NSD1: variants seen among roughly 807,000 people sequenced by gnomAD.
The protein encoded by NSD1 is nuclear receptor binding SET domain protein 1, also known as histone-lysine N-methyltransferase, H3 lysine-36 specific.
A neutral mutation model predicts 242.7 loss-of-function variants in NSD1; 26 were observed. The ratio of observed to expected loss-of-function variants is 0.11; its 90% CI spans 0.08 to 0.15. NSD1 has a LOEUF of 0.15. Among genes scored for constraint, NSD1 ranks in the 10% least tolerant of loss-of-function variants. The probability of loss-of-function intolerance (pLI) is 1.00; values close to 1 mark genes in which losing one functional copy is unlikely to be tolerated. For synonymous variants in NSD1, 1,106 were observed against 1,178.1 expected, an observed-to-expected ratio of 0.94 and a Z score of 1.25; for missense variants, 2,495 against 3,272.8, an observed-to-expected ratio of 0.76 and a Z score of 5.80.
chr5:177,300,066 C>T lies in NSD1; in HGVS notation c.*4607C>T, dbSNP rs979145617. The T allele has an allele frequency of 2.5e-5, 5 of 196,532 alleles. No individual in the cohort carries two copies. The highest frequency in any genetic ancestry group is 2.3e-4 in the South Asian group (1 of 4,290). 12.2% of individuals were successfully genotyped at this position (196,532 alleles called of 1,614,324 possible). On this transcript the variant is annotated 3_prime_UTR_variant, in exon 23 of 23. Coordinates refer to ENST00000439151, the MANE Select transcript of NSD1 (RefSeq NM_022455.5). Reference sequence around the variant, plus strand: ...ATTGCTTTTTTGCCGCGCCCCCCCCCCCCCGCCCCCATAGATTGTCAGCTG... The same window carrying T: ...ATTGCTTTTTTGCCGCGCCCCCCCCTCCCCGCCCCCATAGATTGTCAGCTG...
Position 177,139,613 on chromosome 5 carries a change from G to C in NSD1, c.927+3583G>C, listed in dbSNP as rs893438117. Among the ~76,000 whole-genome samples, 25 of 152,302 alleles carry C rather than the reference G, an allele frequency of 1.6e-4. 1 individual carries two copies. Among genetic ancestry groups the C allele is most frequent in the African/African-American group, 5.8e-4 (24 of 41,562 alleles). ...TTGATATAGTAGGTATTGTTACTAT[G>C]CTGGGAATTTTAGAAAATCCTTAGC... On this transcript the variant is annotated intron_variant, in intron 2 of 22. Coordinates refer to ENST00000439151, the MANE Select transcript of NSD1 (RefSeq NM_022455.5).
At chr5:177,182,839 C>G (rs529536536) in intron 2 of NSD1, among the ~76,000 whole-genome samples, 2 of 152,156 alleles carry the variant, frequency 1.3e-5, no homozygotes, top group South Asian at 4.1e-4. Context: ...GGTTTCACCA[C>G]GTTAGTCAGG....
intron 2 of NSD1, among the ~76,000 whole-genome samples, chr5:177,164,725 C>A (rs1759041135): frequency 6.6e-6 from 1 of 151,952 alleles, no homozygotes; most frequent in African/African-American, 2.4e-5. Flanking sequence ...GTGGAGATCA[C>A]CTGAGGTCAG....
chr5:177,180,252 G>A (rs985331283), intron 2 of NSD1, among the ~76,000 whole-genome samples: 1 of 151,902 alleles, frequency 6.6e-6, no homozygotes. Context: ...ATGCCACCAC[G>A]CCTAGCTAAT....
chr5:177,231,036 T>G lies in NSD1; in HGVS notation c.3797-4785T>G, dbSNP rs547758048. Among the ~76,000 whole-genome samples, 6 of 152,278 alleles carry G rather than the reference T, an allele frequency of 3.9e-5. No homozygotes were observed. The South Asian group carries it at 1.2e-3, about 32-fold the overall frequency. On this transcript the variant is annotated intron_variant, in intron 5 of 22. Transcript: ENST00000439151. ...TTTGAGAGACTTTGGGATGGAATTA[T>G]GACCTTGCCACCTCAATAATTAACT...
chr5:177,230,936 A>G (rs1056733692), intron 5 of NSD1, among the ~76,000 whole-genome samples: 1 of 152,060 alleles, frequency 6.6e-6, no homozygotes, highest in African/African-American at 2.4e-5. Flanking sequence ...TGAGGGGGTT[A>G]GTGATGGATG....
At chr5:177,255,637 C>G (rs1230344753) in intron 12 of NSD1, among the ~76,000 whole-genome samples, 3 of 151,898 alleles carry the variant, frequency 2.0e-5, no homozygotes, top group African/African-American at 7.3e-5. Flanking sequence ...GGCTGGAGTT[C>G]GGTGGTGTGA....
intron 6 of NSD1, among the ~76,000 whole-genome samples, chr5:177,236,948 C>T (rs1427989445): frequency 1.3e-5 from 2 of 152,164 alleles, no homozygotes; most frequent in Non-Finnish European, 1.5e-5. Flanking sequence ...GCAATGTTTC[C>T]GTCTCAGCCT....
At chr5:177,177,501 C>CTCTT (rs1760303303) in intron 2 of NSD1, among the ~76,000 whole-genome samples, 1 of 151,992 alleles carries the variant, frequency 6.6e-6, no homozygotes, top group Non-Finnish European at 1.5e-5. Context: ...CAGAGCAAGA[C>CTCTT]TCTTTCTCCC....
intron 10 of NSD1, among the ~76,000 whole-genome samples, chr5:177,247,525 G>A (rs1347799164): frequency 1.3e-5 from 2 of 148,868 alleles, no homozygotes; most frequent in African/African-American, 5.0e-5. Context: ...ACAGGATTTC[G>A]AGACCAACCT....
At chr5:177,270,971 T>A (rs1757900932) in intron 16 of NSD1, among the ~76,000 whole-genome samples, 1 of 152,124 alleles carries the variant, frequency 6.6e-6, no homozygotes, top group East Asian at 1.9e-4. Flanking sequence ...TCTTGTAATC[T>A]CAGGTGGTCA....
At chr5:177,178,283 A>G (rs867753789) in intron 2 of NSD1, among the ~76,000 whole-genome samples, 12 of 150,834 alleles carry the variant, frequency 8.0e-5, no homozygotes, top group African/African-American at 2.9e-4. Context: ...CTGGAGTGCA[A>G]TGGCGGGATC....
rs947772146 is a variant in NSD1 at position 177,265,569 on chromosome 5, C to T, written c.5147-1993C>T. On this transcript the variant is annotated intron_variant, in intron 14 of 22. Coordinates refer to ENST00000439151, the MANE Select transcript of NSD1 (RefSeq NM_022455.5). ...CCCGTGCAGGGCGGGAGAGCCGGGC[C>T]TCAGCACATCCTGTAGTCTGTGGAG... The T allele has an allele frequency of 1.0e-4, 117 of 1,160,686 alleles. 1 individual carries two copies. Among genetic ancestry groups the T allele is most frequent in the Non-Finnish European group, 1.4e-4 (107 of 774,680 alleles). The allele number at this position is 1,160,686 out of a possible 1,614,324, so 71.9% of individuals were successfully genotyped here. A position where few individuals can be genotyped will look rare whatever the true frequency, so the allele number is the denominator to read the frequency against.
intron 14 of NSD1, chr5:177,265,468 ACCT>A: frequency 3.2e-6 from 2 of 622,772 alleles, no homozygotes; most frequent in East Asian, 2.7e-5. Context: ...GGCCCCTAAA[ACCT>A]CCTCTGGGGG....
At chr5:177,218,877 T>C (rs546680039) in intron 5 of NSD1, among the ~76,000 whole-genome samples, 1 of 151,394 alleles carries the variant, frequency 6.6e-6, no homozygotes, top group African/African-American at 2.4e-5. Flanking sequence ...CCCCCCCTTT[T>C]TTTTTTCTCC....
chr5:177,183,326 C>T (rs555858020), intron 2 of NSD1, among the ~76,000 whole-genome samples: 14 of 152,182 alleles, frequency 9.2e-5, no homozygotes, highest in Non-Finnish European at 1.9e-4. Flanking sequence ...CTCACTTTAT[C>T]GCAATATTTG....
intron 2 of NSD1, among the ~76,000 whole-genome samples, chr5:177,175,937 G>T (rs1022957316): frequency 5.3e-5 from 8 of 151,006 alleles, no homozygotes; most frequent in Non-Finnish European, 1.0e-4. Flanking sequence ...GTGCAGTGGC[G>T]CCATCTCGGC....
intron 2 of NSD1, among the ~76,000 whole-genome samples, chr5:177,183,793 C>G (rs1760887306): frequency 6.6e-6 from 1 of 152,046 alleles, no homozygotes; most frequent in African/African-American, 2.4e-5. Flanking sequence ...TTTCTACTTC[C>G]CTTCCTAGCT....
At chr5:177,266,050 G>A in intron 14 of NSD1, 1 of 1,084,944 alleles carries the variant, frequency 9.2e-7, no homozygotes, top group East Asian at 2.4e-5. Flanking sequence ...TCTCCCACCA[G>A]TGGATCTTGT....
Sources: allele counts gnomAD v4.1 joint callset (sites outside exome capture counted in the v4.1 genomes callset), GRCh38; gene constraint gnomAD v4.1.1; transcripts MANE v1.5; gene names NCBI Gene and HGNC (gene_info 2026-07-23, HGNC 2026-07-21).